CNTN4: variants seen among roughly 807,000 people sequenced by gnomAD.
CNTN4 encodes contactin-4.
In CNTN4, 77 loss-of-function variants were observed where a neutral mutation model predicts 122.5. That is an observed-to-expected ratio of 0.63 (90% CI 0.52 to 0.76). The LOEUF is 0.76. Among genes scored for constraint, CNTN4 ranks in the 30% least tolerant of loss-of-function variants. The pLI is 0.00. For missense variants in CNTN4, 1,256 were observed against 1,259.1 expected (o/e 1.00, Z 0.04); for synonymous variants, 512 against 447.0 (o/e 1.15, Z -1.83).
intron 7 of CNTN4, among the ~76,000 whole-genome samples, chr3:2,832,230 G>A (rs1431247909): frequency 6.6e-6 from 1 of 152,218 alleles, no homozygotes; most frequent in Non-Finnish European, 1.5e-5. Flanking sequence ...TAAAGGAATA[G>A]ATTTCTTTTA....
At position 3,034,780 on chromosome 3, in the gene CNTN4, A is replaced by AGTC. The variant is rs1420422093; in HGVS notation, c.1933_1935dup (p.Val645dup). On this transcript the variant is annotated inframe_insertion, in exon 17 of 25. Transcript: ENST00000418658. ...CTCCATTCTCCGTGGGCTGGCAAGC[A>AGTC]GTCAGTACAGGTACCATATTGGATG... is the stretch of plus-strand genomic sequence containing the variant. The AGTC allele has an allele frequency of 6.2e-7, 1 of 1,614,122 alleles. No individual in the cohort carries two copies. Among genetic ancestry groups the AGTC allele is most frequent in the Non-Finnish European group, 8.5e-7 (1 of 1,179,972 alleles).
At chr3:2,159,407 C>T (rs1426769119) in intron 2 of CNTN4, among the ~76,000 whole-genome samples, 4 of 152,052 alleles carry the variant, frequency 2.6e-5, no homozygotes, top group Non-Finnish European at 4.4e-5. Flanking sequence ...TGACCTATAT[C>T]GGGTTCTTTT....
chr3:3,041,576 T>G (rs1463577492), intron 20 of CNTN4, among the ~76,000 whole-genome samples: 1 of 152,198 alleles, frequency 6.6e-6, no homozygotes, highest in African/African-American at 2.4e-5. Flanking sequence ...AGACTGACTG[T>G]TTCCCAAATT....
chr3:2,658,965 G>GACACACACACACACAC, intron 4 of CNTN4, among the ~76,000 whole-genome samples: 1 of 139,610 alleles, frequency 7.2e-6, no homozygotes, highest in South Asian at 2.5e-4. Context: ...CACACAAACA[G>GACACACACACACACAC]ACACACACAC....
rs756086036 is a variant in CNTN4, at chr3:3,026,196, A to G, written c.1581A>G (p.Leu527=). The G allele has an allele frequency of 8.1e-6, 13 of 1,613,500 alleles. No homozygotes were observed. In the South Asian group the frequency reaches 1.4e-4, roughly 18 times the overall value. ...GCCAGGTAACGCATGATCACTCGCT[A>G]GACATCGTGTTTACTTGGTCATTTA... ...LPCQVTHDHS[L]DIVFTWSFNG... Residue 527 remains leucine, a synonymous_variant, in exon 15 of 25, where the codon CTA becomes CTG. Coordinates refer to ENST00000418658, the MANE Select transcript of CNTN4 (RefSeq NM_175607.3).
At chr3:2,967,077 A>G (rs1272955036) in intron 13 of CNTN4, among the ~76,000 whole-genome samples, 2 of 152,308 alleles carry the variant, frequency 1.3e-5, no homozygotes, top group African/African-American at 2.4e-5. Flanking sequence ...TATTACTCAA[A>G]TCATTCTCCC....
chr3:2,863,254 G>C (rs2093688680), intron 7 of CNTN4, among the ~76,000 whole-genome samples: 1 of 152,088 alleles, frequency 6.6e-6, no homozygotes, highest in Non-Finnish European at 1.5e-5. Context: ...ATCTTGGTGA[G>C]AGATTTCCCC....
intron 3 of CNTN4, among the ~76,000 whole-genome samples, chr3:2,382,231 G>A (rs577915867): frequency 2.7e-4 from 41 of 150,314 alleles, no homozygotes; most frequent in Admixed American, 2.0e-4. Flanking sequence ...GTGCAGTGGC[G>A]CGATCTCAGC....
At chr3:2,148,055 A>T (rs144478867) in intron 2 of CNTN4, among the ~76,000 whole-genome samples, 1 of 152,198 alleles carries the variant, frequency 6.6e-6, no homozygotes, top group East Asian at 1.9e-4. Flanking sequence ...TTCTTAAGGC[A>T]TGATAGTGTG....
intron 10 of CNTN4, among the ~76,000 whole-genome samples, chr3:2,889,741 A>T (rs1269326177): frequency 3.3e-5 from 5 of 152,178 alleles, no homozygotes; most frequent in Non-Finnish European, 7.3e-5. Context: ...TTTAACTTTC[A>T]TGATTTTCTG....
intron 13 of CNTN4, among the ~76,000 whole-genome samples, chr3:2,932,065 G>T (rs1016125788): frequency 6.6e-6 from 1 of 151,382 alleles, no homozygotes. Context: ...GGGGTGGGGG[G>T]TGGGAGTTTG....
intron 2 of CNTN4, among the ~76,000 whole-genome samples, chr3:2,183,494 C>T (rs1447873802): frequency 6.6e-6 from 1 of 151,924 alleles, no homozygotes; most frequent in Non-Finnish European, 1.5e-5. Flanking sequence ...ATAAATTATT[C>T]CCGCTTATTG....
chr3:2,604,554 C>G (rs973985715), intron 4 of CNTN4, among the ~76,000 whole-genome samples: 4 of 151,990 alleles, frequency 2.6e-5, no homozygotes, highest in Admixed American at 2.0e-4. Flanking sequence ...CAGATTTGTT[C>G]CAAGGAAAAC....
At chr3:2,773,681 A>C (rs902892634) in intron 6 of CNTN4, among the ~76,000 whole-genome samples, 4 of 148,798 alleles carry the variant, frequency 2.7e-5, no homozygotes, top group African/African-American at 1.0e-4. Context: ...TTTTCTAAAC[A>C]CCCTGTGGGC....
chr3:2,652,370 G>A (rs184644641), intron 4 of CNTN4, among the ~76,000 whole-genome samples: 1 of 152,074 alleles, frequency 6.6e-6, no homozygotes, highest in East Asian at 1.9e-4. Context: ...AGTGGAAAGT[G>A]GTCTAATAGT....
intron 4 of CNTN4, among the ~76,000 whole-genome samples, chr3:2,654,848 T>G (rs1227682561): frequency 6.6e-6 from 1 of 152,140 alleles, no homozygotes; most frequent in Non-Finnish European, 1.5e-5. Context: ...GCTTCTTTGC[T>G]TCTTCTTCTT....
At chr3:2,586,512 C>T (rs1333534635) in intron 4 of CNTN4, among the ~76,000 whole-genome samples, 1 of 152,100 alleles carries the variant, frequency 6.6e-6, no homozygotes, top group Admixed American at 6.5e-5. Context: ...AGGCTTGTCT[C>T]GAACCCCTGA....
At chr3:3,018,199 A>G (rs951679276) in intron 14 of CNTN4, among the ~76,000 whole-genome samples, 2 of 152,240 alleles carry the variant, frequency 1.3e-5, no homozygotes, top group Non-Finnish European at 2.9e-5. Flanking sequence ...TGCTCCTGAC[A>G]ATAGGTATTT....
chr3:2,739,010 T>G (rs2089303182), intron 5 of CNTN4, among the ~76,000 whole-genome samples: 1 of 152,124 alleles, frequency 6.6e-6, no homozygotes, highest in Non-Finnish European at 1.5e-5. Flanking sequence ...GGTAAGGGAT[T>G]CATATCCAGA....
Sources: allele counts gnomAD v4.1 joint callset (sites outside exome capture counted in the v4.1 genomes callset), GRCh38; gene constraint gnomAD v4.1.1; transcripts MANE v1.5; gene names NCBI Gene and HGNC (gene_info 2026-07-23, HGNC 2026-07-21).